PHIP: variants seen among roughly 807,000 people sequenced by gnomAD.
PHIP encodes the protein PH-interacting protein.
PHIP carries 54 observed loss-of-function variants against 236.8 expected under a neutral mutation model. The observed-to-expected ratio is 0.23, with a 90% confidence interval of 0.18 to 0.29. The LOEUF (loss-of-function observed/expected upper bound fraction) is 0.29. PHIP is among the 10% of genes least tolerant of loss of function. The probability of loss-of-function intolerance (pLI) is 1.00; values close to 1 mark genes in which losing one functional copy is unlikely to be tolerated. For missense variants in PHIP, 1,370 were observed against 2,190.8 expected (o/e 0.63, Z 7.48); for synonymous variants, 756 against 718.9 (o/e 1.05, Z -0.83).
intron 21 of PHIP, among the ~76,000 whole-genome samples, chr6:78,986,388 T>C (rs561010128): frequency 1.3e-5 from 2 of 152,242 alleles, no homozygotes; most frequent in African/African-American, 4.8e-5. Context: ...CCAATAACAA[T>C]AACACCTCAT....
chr6:78,981,547 A>G (rs1302178044), intron 23 of PHIP, among the ~76,000 whole-genome samples: 1 of 152,002 alleles, frequency 6.6e-6, no homozygotes. Flanking sequence ...CAATAGATCT[A>G]TATGTGCCAG....
intron 17 of PHIP, among the ~76,000 whole-genome samples, chr6:79,000,445 A>C (rs1221971043): frequency 6.6e-6 from 1 of 152,210 alleles, no homozygotes; most frequent in East Asian, 1.9e-4. Flanking sequence ...CTCAACCTGC[A>C]GGACTGGAAT....
intron 4 of PHIP, among the ~76,000 whole-genome samples, chr6:79,068,987 T>A: frequency 6.6e-6 from 1 of 151,942 alleles, no homozygotes; most frequent in Non-Finnish European, 1.5e-5. Flanking sequence ...AAGTCAGTTT[T>A]TCAGATCTTC....
rs1427272140 is a variant in PHIP at position 78,987,051 on chromosome 6, T to C, written c.2460+1158A>G. On this transcript the variant is annotated intron_variant, in intron 21 of 39. Transcript: ENST00000275034. ...AATTAGTATACTGTGCCCAAAGTGA[T>C]ACTTTGTTCTCAATGGACTCTTCTA... Among the ~76,000 whole-genome samples, 6 of 152,246 alleles carry C rather than the reference T, an allele frequency of 3.9e-5. No homozygotes were observed. The East Asian group carries it at 1.2e-3, about 29-fold the overall frequency.
At chr6:78,964,284 C>T (rs1302016279) in intron 29 of PHIP, among the ~76,000 whole-genome samples, 1 of 152,100 alleles carries the variant, frequency 6.6e-6, no homozygotes, top group Non-Finnish European at 1.5e-5. Flanking sequence ...GAGAACTAAT[C>T]TTAGCTAATC....
At chr6:79,065,763 ACC>A (rs71547740) in intron 4 of PHIP, among the ~76,000 whole-genome samples, 19 of 110,984 alleles carry the variant, frequency 1.7e-4, no homozygotes, top group Middle Eastern at 4.7e-3. Flanking sequence ...TCTTAACTAT[ACC>A]ACACACACAC....
chr6:79,001,724 T>C (rs140895960), intron 17 of PHIP, among the ~76,000 whole-genome samples, 175 bp downstream of exon 17: 2 of 152,130 alleles, frequency 1.3e-5, no homozygotes, highest in Admixed American at 1.3e-4. Flanking sequence ...AAATCGCCCA[T>C]GTTCCATAAT....
intron 27 of PHIP, among the ~76,000 whole-genome samples, chr6:78,966,412 C>G (rs1453184636): frequency 2.0e-5 from 3 of 152,264 alleles, no homozygotes; most frequent in South Asian, 2.1e-4. Flanking sequence ...GCAAGTTCCA[C>G]TCAACAATTA....
Position 78,940,452 on chromosome 6 carries a change from T to C in PHIP, c.*241A>G, listed in dbSNP as rs1365147897. The C allele has an allele frequency of 6.3e-6, 1 of 159,572 alleles. No individual in the cohort carries two copies. The highest frequency in any genetic ancestry group is 1.3e-5 in the Non-Finnish European group (1 of 75,556). The allele number at this position is 159,572 out of a possible 1,614,324, so 9.9% of individuals were successfully genotyped here. ...TGAATGTGAAAATGCATAACCTATCTAAGGGCAATAAATAGCAAACATTTA... is the reference window on the plus strand; with the variant it reads ...TGAATGTGAAAATGCATAACCTATCCAAGGGCAATAAATAGCAAACATTTA... On this transcript the variant is annotated 3_prime_UTR_variant, in exon 40 of 40. Transcript: ENST00000275034.
intron 4 of PHIP, among the ~76,000 whole-genome samples, chr6:79,070,795 T>G (rs962127185): frequency 2.6e-5 from 4 of 152,214 alleles, no homozygotes; most frequent in Non-Finnish European, 4.4e-5. Context: ...AGATTACTTA[T>G]AATATCTAAT....
At position 78,938,228 on chromosome 6, in the gene PHIP, C is replaced by T. The variant is rs959000948; in HGVS notation, c.*2465G>A. Reference sequence around the variant, plus strand: ...ATCTGATCCAAGTTACTGTGCTTTACTAAGAAACCAGTGTCTAATAATGTC... The same window carrying T: ...ATCTGATCCAAGTTACTGTGCTTTATTAAGAAACCAGTGTCTAATAATGTC... On this transcript the variant is annotated 3_prime_UTR_variant, in exon 40 of 40. Transcript: ENST00000275034. 7.3e-5 allele frequency: 11 copies of T among 151,586 alleles called. No homozygotes were observed. The highest frequency in any genetic ancestry group is 2.7e-4 in the African/African-American group (11 of 41,402). The allele number at this position is 151,586 out of a possible 1,614,324, so 9.4% of individuals were successfully genotyped here. A position where few individuals can be genotyped will look rare whatever the true frequency, so the allele number is the denominator to read the frequency against.
At chr6:78,957,780 A>G (rs1371651449) in intron 32 of PHIP, 1 of 152,002 alleles carries the variant, frequency 6.6e-6, no homozygotes, top group African/African-American at 2.4e-5. Context: ...TAGGAGGCTC[A>G]ATTCATTATA....
chr6:79,027,833 G>A (rs182860053), intron 7 of PHIP, among the ~76,000 whole-genome samples: 18 of 152,208 alleles, frequency 1.2e-4, no homozygotes, highest in African/African-American at 4.3e-4. Context: ...TTAGAGGACA[G>A]CCTTCAGGGT....
At chr6:78,986,738 T>C (rs1312798339) in intron 21 of PHIP, among the ~76,000 whole-genome samples, 1 of 152,224 alleles carries the variant, frequency 6.6e-6, no homozygotes, top group African/African-American at 2.4e-5. Context: ...TTTCCCATTT[T>C]GATGTTTTAA....
At chr6:79,064,798 T>C (rs1773547423) in intron 4 of PHIP, among the ~76,000 whole-genome samples, 2 of 152,008 alleles carry the variant, frequency 1.3e-5, no homozygotes, top group Non-Finnish European at 2.9e-5. Flanking sequence ...ATACTCTCTC[T>C]TTGGACAATT....
chr6:78,964,642 G>A (rs961966048), intron 29 of PHIP, among the ~76,000 whole-genome samples: 7 of 151,962 alleles, frequency 4.6e-5, no homozygotes, highest in East Asian at 3.9e-4. Context: ...ACAGGCACAC[G>A]CCACCACGCC....
At chr6:79,028,402 T>C (rs995731540) in intron 7 of PHIP, among the ~76,000 whole-genome samples, 1 of 152,116 alleles carries the variant, frequency 6.6e-6, no homozygotes, top group African/African-American at 2.4e-5. Flanking sequence ...TAACACAAAT[T>C]ATTATAGCAA....
At position 79,063,219 on chromosome 6, in the gene PHIP, AT is replaced by A. The variant is rs549610649; in HGVS notation, c.190-2402del. On this transcript the variant is annotated intron_variant, in intron 4 of 39. Transcript: ENST00000275034. ...GGCCATGTTTACCTCTGTCTACCCA[AT>A]ACCTAATGCAGTACTTATAGTTAAG... Among the ~76,000 whole-genome samples, 115 of 152,288 alleles carry A rather than the reference AT, an allele frequency of 7.6e-4. 1 individual carries two copies. The highest frequency in any genetic ancestry group is 2.6e-3 in the African/African-American group (108 of 41,558).
chr6:78,968,017 A>T (rs1767258424), intron 27 of PHIP, among the ~76,000 whole-genome samples: 1 of 152,064 alleles, frequency 6.6e-6, no homozygotes, highest in Admixed American at 6.6e-5. Context: ...AGGAGCCTGT[A>T]GTCCCAGCTA....
Sources: allele counts gnomAD v4.1 joint callset (sites outside exome capture counted in the v4.1 genomes callset), GRCh38; gene constraint gnomAD v4.1.1; transcripts MANE v1.5; gene names NCBI Gene and HGNC (gene_info 2026-07-23, HGNC 2026-07-21).